Variants in CFAP210 observed in about 807,000 individuals in gnomAD.
CFAP210 encodes the protein cilia and flagella associated protein 210.
At chr2:169,670,438 A>G in the CFAP210 span, among the ~76,000 whole-genome samples, 9 of 152,326 alleles carry the variant, frequency 5.9e-5, no homozygotes, top group South Asian at 1.4e-3. Context: ...CAGCTGTGCA[A>G]TATGTTTCAG....
the CFAP210 span, among the ~76,000 whole-genome samples, chr2:169,670,157 C>T: frequency 3.9e-5 from 6 of 152,202 alleles, no homozygotes; most frequent in Admixed American, 6.5e-5. Context: ...CTAGAGGAAG[C>T]CTTACCTATA....
the CFAP210 span, among the ~76,000 whole-genome samples, chr2:169,684,803 C>A: frequency 6.6e-6 from 1 of 152,140 alleles, no homozygotes; most frequent in East Asian, 1.9e-4. Context: ...CAGTCATGCA[C>A]CACCATGCCC....
chr2:169,694,375 C>T, the CFAP210 span: 5 of 1,585,006 alleles, frequency 3.2e-6, no homozygotes, highest in East Asian at 1.1e-4. Context: ...GCGCCGCGGA[C>T]GCCAGCCGGT....
chr2:169,679,723 A>G, the CFAP210 span, among the ~76,000 whole-genome samples: 1 of 147,954 alleles, frequency 6.8e-6, no homozygotes, highest in Non-Finnish European at 1.5e-5. Context: ...GTCTACTGTT[A>G]CCTTCTTTGT....
chr2:169,692,384 A>G, the CFAP210 span, among the ~76,000 whole-genome samples: 1 of 151,806 alleles, frequency 6.6e-6, no homozygotes, highest in African/African-American at 2.4e-5. Flanking sequence ...TTCTTGCCGC[A>G]TCATAACATG....
chr2:169,649,597 G>A, the CFAP210 span, among the ~76,000 whole-genome samples: 2 of 152,090 alleles, frequency 1.3e-5, no homozygotes, highest in South Asian at 2.1e-4. Flanking sequence ...TGAAAAGCAA[G>A]ATCTTCTCAA....
chr2:169,690,546 C>T, the CFAP210 span, among the ~76,000 whole-genome samples: 2 of 151,734 alleles, frequency 1.3e-5, no homozygotes, highest in East Asian at 3.9e-4. Flanking sequence ...GCCTGTAATC[C>T]CAGCTACTCA....
the CFAP210 span, among the ~76,000 whole-genome samples, chr2:169,652,866 G>A: frequency 6.7e-6 from 1 of 148,366 alleles, no homozygotes; most frequent in East Asian, 2.0e-4. Flanking sequence ...CGGGCCTGGT[G>A]GCGGGCTCCT....
chr2:169,671,700 C>T, the CFAP210 span, among the ~76,000 whole-genome samples: 2 of 152,168 alleles, frequency 1.3e-5, no homozygotes, highest in Non-Finnish European at 2.9e-5. Flanking sequence ...AAACTCCTGA[C>T]CTCAAGTGAT....
chr2:169,681,119 C>G, the CFAP210 span: 1 of 1,613,938 alleles, frequency 6.2e-7, no homozygotes. Context: ...CCTGTCAAGG[C>G]TATCTTGAAT....
chr2:169,654,009 T>C, the CFAP210 span: 4 of 1,439,358 alleles, frequency 2.8e-6, no homozygotes, highest in Admixed American at 9.1e-5. Context: ...AAGACTACTG[T>C]CATAATAATC....
chr2:169,665,723 T>C, the CFAP210 span, among the ~76,000 whole-genome samples: 1 of 152,178 alleles, frequency 6.6e-6, no homozygotes, highest in Non-Finnish European at 1.5e-5. Context: ...AGGAGGGCTT[T>C]GTGCAGTACT....
chr2:169,674,450 A>G, the CFAP210 span: 1 of 743,466 alleles, frequency 1.3e-6, no homozygotes, highest in African/African-American at 1.8e-5. Flanking sequence ...GCGATTTTTA[A>G]CCTCCTTTTT....
the CFAP210 span, chr2:169,674,608 TTCTC>T: frequency 6.2e-7 from 1 of 1,608,848 alleles, no homozygotes; most frequent in South Asian, 1.1e-5. Flanking sequence ...GAGCCACCCT[TTCTC>T]TGTGTCGTTT....
At chr2:169,687,414 G>A in the CFAP210 span, among the ~76,000 whole-genome samples, 6 of 152,180 alleles carry the variant, frequency 3.9e-5, no homozygotes, top group East Asian at 1.9e-4. Flanking sequence ...TCCTAGATAC[G>A]ATAGGGGTAC....
the CFAP210 span, among the ~76,000 whole-genome samples, chr2:169,656,912 C>A: frequency 8.4e-6 from 1 of 119,348 alleles, no homozygotes; most frequent in Non-Finnish European, 1.6e-5. Context: ...TTGCAGTGAG[C>A]TGAGATCATG....
chr2:169,651,598 G>A, the CFAP210 span, among the ~76,000 whole-genome samples: 10 of 150,714 alleles, frequency 6.6e-5, no homozygotes, highest in South Asian at 2.1e-4. Flanking sequence ...CAAGTGATCC[G>A]CCCGCCTCAG....
the CFAP210 span, among the ~76,000 whole-genome samples, chr2:169,660,689 C>T: frequency 6.6e-6 from 1 of 151,420 alleles, no homozygotes; most frequent in South Asian, 2.1e-4. Context: ...CTGCAACCTC[C>T]ACTTAGGGCT....
chr2:169,675,540 G>A, the CFAP210 span, among the ~76,000 whole-genome samples: 1 of 152,190 alleles, frequency 6.6e-6, no homozygotes, highest in East Asian at 1.9e-4. Context: ...CATCTCACGA[G>A]AACACAGTCA....
Sources: gnomAD v4.1 joint callset for allele counts (sites outside exome capture counted in the v4.1 genomes callset) on GRCh38, gnomAD v4.1.1 for gene constraint, MANE v1.5 for transcripts, NCBI Gene and HGNC (gene_info 2026-07-23, HGNC 2026-07-21) for gene names.